SLFN12: variants seen among roughly 807,000 people sequenced by gnomAD.
The protein encoded by SLFN12 is schlafen family member 12, also known as ribonuclease SLFN12.
SLFN12 carries 25 observed loss-of-function variants against 29.1 expected under a neutral mutation model. That is an observed-to-expected ratio of 0.86 (90% CI 0.63 to 1.20). SLFN12 has a LOEUF of 1.20. Among genes scored for constraint, SLFN12 ranks in the 50% most tolerant of loss-of-function variants. SLFN12 has a pLI of 0.00. For missense variants in SLFN12, 660 were observed against 666.2 expected (o/e 0.99, Z 0.10); for synonymous variants, 257 against 238.7 (o/e 1.08, Z -0.71).
chr17:35,421,140 C>T (rs906132142), intron 2 of SLFN12, among the ~76,000 whole-genome samples: 1 of 151,164 alleles, frequency 6.6e-6, no homozygotes, highest in Non-Finnish European at 1.5e-5. Flanking sequence ...ATCCAGGAGG[C>T]GGAGGTTGCA....
chr17:35,423,449 TTTTTA>T (rs1321145117), intron 1 of SLFN12, among the ~76,000 whole-genome samples: 1 of 152,080 alleles, frequency 6.6e-6, no homozygotes, highest in East Asian at 1.9e-4. Context: ...TCTACTTTTC[TTTTTA>T]TTTTAATAAT....
intron 3 of SLFN12, among the ~76,000 whole-genome samples, chr17:35,418,690 T>C (rs1784457855): frequency 7.0e-6 from 1 of 142,736 alleles, no homozygotes; most frequent in Non-Finnish European, 1.5e-5. Flanking sequence ...ACTGCACCTT[T>C]TGTTCAAAGG....
rs764798292 is a variant in SLFN12, at chr17:35,422,854, T to G, written c.175A>C (p.Ile59Leu). ...CALLNSGGGV[I>L]KAEIENEDYS... Reference sequence around the variant, plus strand: ...TCTTCATTCTCAATTTCAGCCTTGATCACTCCCCCTCCAGAATTGAGCAGA... The same window carrying G: ...TCTTCATTCTCAATTTCAGCCTTGAGCACTCCCCCTCCAGAATTGAGCAGA... The change falls in exon 2 of 4, where the codon ATC (isoleucine) becomes CTC (leucine). Residue 59 changes from isoleucine (I) to leucine (L), a missense_variant. Ile to Leu is a conservative substitution (Grantham distance 5). Transcript: ENST00000304905. The G allele has an allele frequency of 6.2e-7, 1 of 1,614,018 alleles. No individual in the cohort carries two copies. Among genetic ancestry groups the G allele is most frequent in the South Asian group, 1.1e-5 (1 of 91,086 alleles).
chr17:35,413,289 G>A (rs1288703510), intron 3 of SLFN12, among the ~76,000 whole-genome samples: 1 of 151,826 alleles, frequency 6.6e-6, no homozygotes, highest in East Asian at 1.9e-4. Context: ...AATTGAAGAG[G>A]AGGAAATACT....
chr17:35,411,565 C>T lies in SLFN12; in HGVS notation c.1510G>A (p.Gly504Ser), dbSNP rs773382828. ...MTKIFYLSPE[G>S]MTSCQYDLRS... The stretch of plus-strand genomic sequence containing the variant: ...AAATCATACTGGCAGCTTGTCATGC[C>T]TTCAGGGCTCAAGTAGAAGATCTTT... Residue 504 changes from glycine (G) to serine (S), a missense_variant, in exon 4 of 4, where the codon GGC becomes AGC. By Grantham distance (56) the Gly-to-Ser change is moderately conservative. Transcript: ENST00000304905. 6.2e-7 allele frequency: 1 copy of T among 1,614,000 alleles called. No individual in the cohort carries two copies. Among genetic ancestry groups the T allele is most frequent in the Non-Finnish European group, 8.5e-7 (1 of 1,179,986 alleles).
chr17:35,415,861 T>C (rs1007682998), intron 3 of SLFN12, among the ~76,000 whole-genome samples: 1 of 152,124 alleles, frequency 6.6e-6, no homozygotes, highest in African/African-American at 2.4e-5. Flanking sequence ...AAATAATAGA[T>C]GTTGGCAAGT....
At chr17:35,425,740 G>C (rs1309165193) in intron 1 of SLFN12, among the ~76,000 whole-genome samples, 1 of 150,670 alleles carries the variant, frequency 6.6e-6, no homozygotes, top group Non-Finnish European at 1.5e-5. Flanking sequence ...TGAGAGTACA[G>C]ATATCTCTTT....
In SLFN12 at chr17:35,419,717, T is replaced by C. The variant is rs75701587; in HGVS notation, c.1147+557A>G. On this transcript the variant is annotated intron_variant, in intron 3 of 3. Transcript: ENST00000304905. Reference sequence around the variant, plus strand: ...ATCTACTTTCAAAACAATTTGGCATTATCTTATTACTTGAATATTCACACA... The same window carrying C: ...ATCTACTTTCAAAACAATTTGGCATCATCTTATTACTTGAATATTCACACA... Among the ~76,000 whole-genome samples, 91 of 152,230 alleles carry C rather than the reference T, an allele frequency of 6.0e-4. No homozygotes were observed. In the East Asian group the frequency reaches 0.015, roughly 26 times the overall value.
rs571920732 is a variant in SLFN12, at chr17:35,419,551, A to T, written c.1147+723T>A. ...ACCCAATCAATAACCAGGGAAATGC[A>T]CATCACAAAGACATACCATTTTATA... is the stretch of plus-strand genomic sequence containing the variant. On this transcript the variant is annotated intron_variant, in intron 3 of 3. Transcript: ENST00000304905. 2.6e-5 allele frequency among the ~76,000 whole-genome samples: 4 copies of T among 152,282 alleles called. No individual in the cohort carries two copies. The South Asian group carries it at 8.3e-4, about 32-fold the overall frequency.
In SLFN12 at chr17:35,411,647, G is replaced by A; in HGVS notation, c.1428C>T (p.Thr476=). 1.2e-6 allele frequency: 2 copies of A among 1,614,026 alleles called. No homozygotes were observed. Among genetic ancestry groups the A allele is most frequent in the Non-Finnish European group, 8.5e-7 (1 of 1,179,994 alleles). The change falls in exon 4 of 4, where the codon ACC becomes ACT. Residue 476 remains threonine, a synonymous_variant. Coordinates refer to ENST00000304905, the MANE Select transcript of SLFN12 (RefSeq NM_018042.5). ...CAATTTTTGCCAGCTTCTGCTTTAA[G>A]GTTAGGGCAGTTTGTGTAGAATAGC... ...FKGYSTQTAL[T]LKQKLAKIGG...
intron 3 of SLFN12, among the ~76,000 whole-genome samples, chr17:35,416,648 A>G (rs1001098269): frequency 6.6e-6 from 1 of 152,202 alleles, no homozygotes; most frequent in Admixed American, 6.5e-5. Context: ...GATCTGAAAT[A>G]TAAGTCAGAC....
intron 1 of SLFN12, among the ~76,000 whole-genome samples, chr17:35,425,014 A>C (rs915164838): frequency 1.3e-5 from 2 of 152,088 alleles, no homozygotes; most frequent in African/African-American, 4.8e-5. Context: ...CAGGCCCAGC[A>C]CAGTGGCTCA....
chr17:35,422,505 T>C lies in SLFN12; in HGVS notation c.524A>G (p.Asn175Ser). The C allele has an allele frequency of 1.9e-6, 3 of 1,613,630 alleles. No homozygotes were observed. ...KRPCVDIQEE[N>S]NMKALAGVFF... ...AACCCCGGCCAAGGCCTTCATGTTA[T>C]TTTCTTCTTGTATATCAACACAGGG... Residue 175 changes from asparagine (N) to serine (S), a missense_variant, in exon 2 of 4, where the codon AAT becomes AGT. Asn to Ser is a conservative substitution (Grantham distance 46, BLOSUM62 1). Transcript: ENST00000304905.
At chr17:35,424,744 T>C (rs575724790) in intron 1 of SLFN12, among the ~76,000 whole-genome samples, 1 of 152,274 alleles carries the variant, frequency 6.6e-6, no homozygotes, top group South Asian at 2.1e-4. Context: ...CCCCAAACCA[T>C]TTGGACAGTT....
intron 1 of SLFN12, among the ~76,000 whole-genome samples, chr17:35,424,007 A>G (rs1911855705): frequency 6.6e-6 from 1 of 152,144 alleles, no homozygotes; most frequent in Non-Finnish European, 1.5e-5. Flanking sequence ...TTTGTAAGCC[A>G]CCCAGCTTGC....
In SLFN12 at chr17:35,425,403, T is replaced by C. The variant is rs1465967970; in HGVS notation, c.-40-2335A>G. Among the ~76,000 whole-genome samples the C allele has an allele frequency of 2.0e-5, 3 of 152,232 alleles. No homozygotes were observed. In the East Asian group the frequency reaches 5.8e-4, roughly 29 times the overall value. On this transcript the variant is annotated intron_variant, in intron 1 of 3. Coordinates refer to ENST00000304905, the MANE Select transcript of SLFN12 (RefSeq NM_018042.5). ...TTCCTCCTATCTAACTGACATTTTG[T>C]AACCTTTAACCAACATTTCCCCAAA...
chr17:35,422,026 T>A lies in SLFN12; in HGVS notation c.1003A>T (p.Lys335Ter). Residue 335 changes from lysine to a stop codon, truncating the protein, a stop_gained, in exon 2 of 4, where the codon AAG becomes TAG. Coordinates refer to ENST00000304905, the MANE Select transcript of SLFN12 (RefSeq NM_018042.5). LOFTEE classifies it high-confidence loss of function. ...TCCACCATGAACTGGATCCATTCCT[T>A]CCTGGTCAACTGCATCACACGGTTA... ...KDNRVMQLTR[K>*]EWIQFMVEAE... The A allele has an allele frequency of 6.2e-7, 1 of 1,614,080 alleles. No homozygotes were observed. Among genetic ancestry groups the A allele is most frequent in the Non-Finnish European group, 8.5e-7 (1 of 1,179,994 alleles).
intron 3 of SLFN12, 51 bp downstream of exon 3, chr17:35,420,223 G>C: frequency 3.1e-6 from 4 of 1,290,176 alleles, no homozygotes; most frequent in Non-Finnish European, 2.2e-6. Context: ...AAGAGAAAGA[G>C]GTTTGACTAC....
At chr17:35,414,053 C>A (rs188100349) in intron 3 of SLFN12, among the ~76,000 whole-genome samples, 1 of 152,106 alleles carries the variant, frequency 6.6e-6, no homozygotes, top group Non-Finnish European at 1.5e-5. Context: ...ACATTGAAAG[C>A]TTTTCATCTA....
Sources: allele counts gnomAD v4.1 joint callset (sites outside exome capture counted in the v4.1 genomes callset), GRCh38; gene constraint gnomAD v4.1.1; transcripts MANE v1.5; gene names NCBI Gene and HGNC (gene_info 2026-07-23, HGNC 2026-07-21).